CRISPLD2: variants seen among roughly 807,000 people sequenced by gnomAD.
The protein encoded by CRISPLD2 is cysteine rich secretory protein LCCL domain containing 2.
A neutral mutation model predicts 71.1 loss-of-function variants in CRISPLD2; 47 were observed. The ratio of observed to expected loss-of-function variants is 0.66; its 90% confidence interval spans 0.52 to 0.84. The LOEUF is 0.84. Among genes scored for constraint, CRISPLD2 ranks in the 40% least tolerant of loss-of-function variants. The probability of loss-of-function intolerance (pLI) is 0.00; values close to 1 mark genes in which losing one functional copy is unlikely to be tolerated. For synonymous variants in CRISPLD2, 317 were observed against 250.1 expected (o/e 1.27, Z -2.52); for missense variants, 830 against 651.1 (o/e 1.27, Z -2.99).
chr16:84,878,042 C>G (rs935818448), intron 12 of CRISPLD2, among the ~76,000 whole-genome samples: 1 of 131,310 alleles, frequency 7.6e-6, no homozygotes, highest in Non-Finnish European at 1.6e-5. Flanking sequence ...AACCCCGTCT[C>G]TACTAAAAAT....
intron 14 of CRISPLD2, among the ~76,000 whole-genome samples, chr16:84,896,757 G>T (rs1174063156): frequency 6.6e-6 from 1 of 152,154 alleles, no homozygotes; most frequent in East Asian, 1.9e-4. Context: ...CCACAGTCAT[G>T]TATGTACACT....
chr16:84,862,623 G>A (rs964061505), intron 6 of CRISPLD2, among the ~76,000 whole-genome samples: 22 of 150,066 alleles, frequency 1.5e-4, no homozygotes, highest in African/African-American at 3.2e-4. Flanking sequence ...TTATGTCCCC[G>A]ATGGGGCATG....
intron 6 of CRISPLD2, among the ~76,000 whole-genome samples, chr16:84,862,361 G>C (rs1342838701): frequency 1.3e-5 from 2 of 151,966 alleles, no homozygotes; most frequent in Non-Finnish European, 2.9e-5. Context: ...TGCCACCATG[G>C]TTAATTTTAA....
intron 8 of CRISPLD2, among the ~76,000 whole-genome samples, chr16:84,870,329 T>G (rs1282535688): frequency 1.3e-5 from 2 of 152,122 alleles, no homozygotes; most frequent in African/African-American, 2.4e-5. Flanking sequence ...TTGTTTTTTT[T>G]TTTTCTTTGA....
chr16:84,831,842 TTCCTGCCTCAGCCTCCTGAGTAGCTGGAA>T (rs1342489062), intron 1 of CRISPLD2, among the ~76,000 whole-genome samples: 13 of 152,312 alleles, frequency 8.5e-5, no homozygotes, highest in African/African-American at 3.1e-4. Context: ...TCAAGTGATT[TTCCTGCCTCAGCCTCCTGAGTAGCTGGAA>T]CTACAGACAC....
chr16:84,827,956 A>G (rs1272840800), intron 1 of CRISPLD2, among the ~76,000 whole-genome samples: 1 of 152,018 alleles, frequency 6.6e-6, no homozygotes, highest in African/African-American at 2.4e-5. Context: ...CATCTTCGCC[A>G]TCCGTGTGTC....
chr16:84,839,518 C>T (rs1350455194), intron 2 of CRISPLD2: 1 of 154,032 alleles, frequency 6.5e-6, no homozygotes, highest in African/African-American at 2.4e-5. Context: ...GCCTCCCCAA[C>T]CCCTAGGCTT....
At chr16:84,826,538 A>G (rs1297709446) in intron 1 of CRISPLD2, among the ~76,000 whole-genome samples, 3 of 152,188 alleles carry the variant, frequency 2.0e-5, no homozygotes, top group African/African-American at 7.2e-5. Context: ...ATGTGTGTCC[A>G]TCTTCCCTGC....
At chr16:84,865,547 G>A (rs1917513461) in intron 6 of CRISPLD2, among the ~76,000 whole-genome samples, 1 of 152,138 alleles carries the variant, frequency 6.6e-6, no homozygotes, top group Non-Finnish European at 1.5e-5. Context: ...AAATACATCT[G>A]TTGCCTTTTT....
chr16:84,881,062 T>C (rs2071564409), intron 13 of CRISPLD2, among the ~76,000 whole-genome samples: 3 of 152,152 alleles, frequency 2.0e-5, no homozygotes, highest in Admixed American at 6.6e-5. Context: ...CATTTCCCCA[T>C]TTCTAGAGAT....
chr16:84,873,544 C>G (rs1379027094), intron 10 of CRISPLD2: 2 of 170,550 alleles, frequency 1.2e-5, no homozygotes, highest in African/African-American at 2.5e-5. Flanking sequence ...AGCTCTAACT[C>G]TAATGCAAAT....
intron 6 of CRISPLD2, among the ~76,000 whole-genome samples, chr16:84,861,487 A>G (rs1433827170): frequency 1.3e-5 from 2 of 152,156 alleles, no homozygotes; most frequent in East Asian, 3.9e-4. Context: ...CCAGCATGGG[A>G]CAAAGATGTA....
rs192900801 is a variant in CRISPLD2, at chr16:84,859,423, G to C, written c.709+4594G>C. On this transcript the variant is annotated intron_variant, in intron 6 of 14. Transcript: ENST00000262424. ...ATGTCTGATCATTTCCCTTTCCCCA[G>C]TGCACGGTTTCCCTGGTACAAGGCC... 1.6e-3 allele frequency among the ~76,000 whole-genome samples: 247 copies of C among 152,262 alleles called. No individual in the cohort carries two copies. In the Middle Eastern group the frequency reaches 0.02, roughly 13 times the overall value.
At chr16:84,827,628 G>A (rs887982715) in intron 1 of CRISPLD2, among the ~76,000 whole-genome samples, 21 of 148,432 alleles carry the variant, frequency 1.4e-4, no homozygotes, top group Non-Finnish European at 2.8e-4. Context: ...CTGCAGTGGT[G>A]CGATCTCAGC....
intron 11 of CRISPLD2, among the ~76,000 whole-genome samples, chr16:84,874,762 C>T (rs1481206398): frequency 2.0e-5 from 3 of 152,110 alleles, no homozygotes; most frequent in African/African-American, 2.4e-5. Flanking sequence ...CGGAGTGGAA[C>T]ATTTTTTTGT....
intron 1 of CRISPLD2, among the ~76,000 whole-genome samples, chr16:84,829,799 G>A (rs1001709081): frequency 2.6e-5 from 4 of 152,212 alleles, no homozygotes; most frequent in Non-Finnish European, 5.9e-5. Flanking sequence ...CTGTAAAATA[G>A]GGCTATTGTC....
At chr16:84,867,105 T>C in intron 7 of CRISPLD2, 65 bp downstream of exon 7, 2 of 1,546,282 alleles carry the variant, frequency 1.3e-6, no homozygotes, top group Non-Finnish European at 1.8e-6. Flanking sequence ...ACGGGGTGGG[T>C]GGAGGAGGGG....
intron 3 of CRISPLD2, among the ~76,000 whole-genome samples, chr16:84,847,268 G>A (rs1050561852): frequency 2.0e-5 from 3 of 152,212 alleles, no homozygotes; most frequent in Non-Finnish European, 4.4e-5. Flanking sequence ...GACAAACCTG[G>A]GCAGGTGTCA....
chr16:84,855,704 C>G (rs1917220651), intron 6 of CRISPLD2, among the ~76,000 whole-genome samples: 1 of 152,138 alleles, frequency 6.6e-6, no homozygotes, highest in South Asian at 2.1e-4. Flanking sequence ...CAAGTCCACC[C>G]CTTGTCAACT....
Sources: gnomAD v4.1 joint callset for allele counts (sites outside exome capture counted in the v4.1 genomes callset) on GRCh38, gnomAD v4.1.1 for gene constraint, MANE v1.5 for transcripts, NCBI Gene and HGNC (gene_info 2026-07-23, HGNC 2026-07-21) for gene names.